Variants in CACNA2D3 observed in about 807,000 individuals in gnomAD.
CACNA2D3 encodes the protein voltage-dependent calcium channel subunit alpha-2/delta-3.
In CACNA2D3, 60 loss-of-function variants were observed where a neutral mutation model predicts 160.6. That is an observed-to-expected ratio of 0.37 (90% CI 0.30 to 0.46). The LOEUF (loss-of-function observed/expected upper bound fraction) is 0.46, where lower values mean the gene tolerates loss of function less well. Among genes scored for constraint, CACNA2D3 ranks in the 20% least tolerant of loss-of-function variants. The probability of loss-of-function intolerance (pLI) is 1.00; values close to 1 mark genes in which losing one functional copy is unlikely to be tolerated. For missense variants in CACNA2D3, 1,205 were observed against 1,365.0 expected, an observed-to-expected ratio of 0.88 and a Z score of 1.85; for synonymous variants, 558 against 492.9, an observed-to-expected ratio of 1.13 and a Z score of -1.75.
intron 2 of CACNA2D3, among the ~76,000 whole-genome samples, chr3:54,215,884 C>CT (rs139192590): frequency 0.33 from 49,728 of 149,104 alleles, 9,506 homozygotes; most frequent in Non-Finnish European, 0.42. Context: ...CTTTTCTTTT[C>CT]TTTTTTTTTT....
Position 55,073,863 on chromosome 3 carries a change from A to G in CACNA2D3, c.3183+4A>G. On this transcript the variant is annotated splice_donor_region_variant and intron_variant, in intron 37 of 37. Coordinates refer to ENST00000474759, the MANE Select transcript of CACNA2D3 (RefSeq NM_018398.3). Reference sequence around the variant, plus strand: ...TTGTCATGGCTTCCATCCTGAGGTAAGTCTGAGAACTGTTCCTGTTTCCTT... The same window carrying G: ...TTGTCATGGCTTCCATCCTGAGGTAGGTCTGAGAACTGTTCCTGTTTCCTT... 1.2e-6 allele frequency: 2 copies of G among 1,611,778 alleles called. No homozygotes were observed. Among genetic ancestry groups the G allele is most frequent in the Non-Finnish European group, 1.7e-6 (2 of 1,178,040 alleles).
At chr3:54,731,333 C>T (rs1225043289) in intron 11 of CACNA2D3, among the ~76,000 whole-genome samples, 1 of 152,182 alleles carries the variant, frequency 6.6e-6, no homozygotes, top group Non-Finnish European at 1.5e-5. Context: ...CTGTTATTGG[C>T]ATGGATAATT....
intron 4 of CACNA2D3, among the ~76,000 whole-genome samples, chr3:54,449,354 G>A (rs1320365080): frequency 6.6e-6 from 1 of 152,192 alleles, no homozygotes; most frequent in Non-Finnish European, 1.5e-5. Flanking sequence ...GGCAAGACAA[G>A]TTTACTCCAT....
At chr3:54,904,397 C>T (rs555301289) in intron 27 of CACNA2D3, among the ~76,000 whole-genome samples, 1 of 152,230 alleles carries the variant, frequency 6.6e-6, no homozygotes, top group African/African-American at 2.4e-5. Context: ...ACTTCTTCCC[C>T]TCCTCAAATC....
chr3:54,609,488 A>C (rs1698702049), intron 9 of CACNA2D3, among the ~76,000 whole-genome samples: 1 of 152,210 alleles, frequency 6.6e-6, no homozygotes, highest in African/African-American at 2.4e-5. Context: ...CTGGCATCTA[A>C]CCATGTTTCT....
intron 11 of CACNA2D3, among the ~76,000 whole-genome samples, chr3:54,675,500 G>C (rs1345169458): frequency 6.6e-6 from 1 of 152,106 alleles, no homozygotes; most frequent in Non-Finnish European, 1.5e-5. Flanking sequence ...GGCCCCTGGG[G>C]AAAGGTGGTC....
chr3:54,313,237 C>T (rs1022147655), intron 2 of CACNA2D3, among the ~76,000 whole-genome samples: 1 of 152,082 alleles, frequency 6.6e-6, no homozygotes, highest in Non-Finnish European at 1.5e-5. Context: ...AGCCAGCTGG[C>T]CCAAAGTGTT....
chr3:54,784,823 G>T (rs1418914394), intron 13 of CACNA2D3, among the ~76,000 whole-genome samples: 1 of 152,166 alleles, frequency 6.6e-6, no homozygotes, highest in African/African-American at 2.4e-5. Flanking sequence ...CAAGAGCAAG[G>T]ATAGCTCCTA....
intron 13 of CACNA2D3, among the ~76,000 whole-genome samples, chr3:54,788,925 A>AAT (rs1559582214): frequency 2.4e-4 from 36 of 152,314 alleles, no homozygotes; most frequent in Admixed American, 3.3e-4. Context: ...CCTGGTATGT[A>AAT]GGAGACATTT....
At chr3:54,391,779 G>A in intron 4 of CACNA2D3, among the ~76,000 whole-genome samples, 1 of 152,126 alleles carries the variant, frequency 6.6e-6, no homozygotes, top group Non-Finnish European at 1.5e-5. Flanking sequence ...CCAAAGTGCT[G>A]GGATTATAGG....
chr3:54,324,430 C>CT (rs900873153), intron 3 of CACNA2D3, among the ~76,000 whole-genome samples: 6 of 152,072 alleles, frequency 3.9e-5, no homozygotes, highest in African/African-American at 1.4e-4. Context: ...CTATATGTAA[C>CT]TTTTTTTTGA....
At chr3:55,040,804 T>C (rs1473266000) in intron 35 of CACNA2D3, among the ~76,000 whole-genome samples, 1 of 152,200 alleles carries the variant, frequency 6.6e-6, no homozygotes, top group Non-Finnish European at 1.5e-5. Context: ...TTTTCAGTTA[T>C]ACAAAATGTG....
chr3:55,061,826 G>A (rs1704516003), intron 35 of CACNA2D3, among the ~76,000 whole-genome samples: 1 of 152,190 alleles, frequency 6.6e-6, no homozygotes. Flanking sequence ...CTTAGGTCTA[G>A]ACAGCATGCC....
chr3:54,280,848 A>G (rs1417508689), intron 2 of CACNA2D3, among the ~76,000 whole-genome samples: 1 of 152,140 alleles, frequency 6.6e-6, no homozygotes, highest in Admixed American at 6.5e-5. Flanking sequence ...TCCTCTGGGA[A>G]ATGCCTTTAA....
intron 24 of CACNA2D3, among the ~76,000 whole-genome samples, chr3:54,890,808 A>C (rs2106866497): frequency 6.6e-6 from 1 of 152,308 alleles, no homozygotes; most frequent in South Asian, 2.1e-4. Flanking sequence ...AGAAGTGATA[A>C]GCTGGGGCCC....
rs566913999 is a variant in CACNA2D3 at position 54,687,649 on chromosome 3, T to C, written c.1167+45408T>C. Among the ~76,000 whole-genome samples the C allele has an allele frequency of 4.6e-5, 7 of 152,318 alleles. No individual in the cohort carries two copies. In the East Asian group the frequency reaches 5.8e-4, roughly 13 times the overall value. ...TCAGTAAAGGATAATTGAATACTTA[T>C]TGCATGTTGGAGACACAACACTGAA... On this transcript the variant is annotated intron_variant, in intron 11 of 37. Transcript: ENST00000474759.
intron 3 of CACNA2D3, among the ~76,000 whole-genome samples, chr3:54,375,607 T>A (rs545468719): frequency 1.3e-5 from 2 of 152,172 alleles, no homozygotes; most frequent in East Asian, 3.9e-4. Context: ...GAAAGATGGC[T>A]GGGGGTCAGG....
chr3:54,259,694 G>A (rs1702368911), intron 2 of CACNA2D3, among the ~76,000 whole-genome samples: 1 of 152,166 alleles, frequency 6.6e-6, no homozygotes, highest in South Asian at 2.1e-4. Context: ...TAACTTTTAT[G>A]ATGACAGCAT....
At chr3:55,051,891 T>A (rs1704227635) in intron 35 of CACNA2D3, among the ~76,000 whole-genome samples, 1 of 152,130 alleles carries the variant, frequency 6.6e-6, no homozygotes, top group African/African-American at 2.4e-5. Context: ...GTCACCCCTT[T>A]CTTTGAGTCA....
Sources: allele counts gnomAD v4.1 joint callset (sites outside exome capture counted in the v4.1 genomes callset), GRCh38; gene constraint gnomAD v4.1.1; transcripts MANE v1.5; gene names NCBI Gene and HGNC (gene_info 2026-07-23, HGNC 2026-07-21).